The following PARD3B variants were observed in gnomAD, a reference collection of about 807,000 sequenced individuals.
PARD3B encodes the protein par-3 family cell polarity regulator beta, also known as partitioning defective 3 homolog B.
In PARD3B, 103 loss-of-function variants were observed where a neutral mutation model predicts 130.2. The ratio of observed to expected loss-of-function variants is 0.79; its 90% CI spans 0.67 to 0.93. PARD3B has a LOEUF of 0.93. PARD3B is among the 40% of genes least tolerant of loss of function. The pLI is 0.00. For synonymous variants in PARD3B, 583 were observed against 553.2 expected (o/e 1.05, Z -0.76); for missense variants, 1,609 against 1,499.2 (o/e 1.07, Z -1.21).
In PARD3B at chr2:204,606,639, A is replaced by G. The variant is rs2125111169; in HGVS notation, c.120+60520A>G. ...CTCAGAATAGGAGAATCAACCATTTATGAAGAAGCTCCAGTGGCTACCACA... is the reference window on the plus strand; with the variant it reads ...CTCAGAATAGGAGAATCAACCATTTGTGAAGAAGCTCCAGTGGCTACCACA... On this transcript the variant is annotated intron_variant, in intron 1 of 22. Coordinates refer to ENST00000406610, the MANE Select transcript of PARD3B (RefSeq NM_001302769.2). This position sits in a 1 kb window ranked among gnomAD's most constrained non-coding sequence, Gnocchi z 4.0. Among the ~76,000 whole-genome samples the G allele has an allele frequency of 6.6e-6, 1 of 152,256 alleles. No homozygotes were observed. Among genetic ancestry groups the G allele is most frequent in the South Asian group, 2.1e-4 (1 of 4,822 alleles).
At chr2:204,886,850 T>C (rs1463111751) in intron 2 of PARD3B, among the ~76,000 whole-genome samples, 1 of 152,188 alleles carries the variant, frequency 6.6e-6, no homozygotes, top group Non-Finnish European at 1.5e-5. Context: ...TTCTGAGGGA[T>C]TGTCAGACAG....
At chr2:204,976,146 A>T (rs1692126181) in intron 3 of PARD3B, among the ~76,000 whole-genome samples, 1 of 152,210 alleles carries the variant, frequency 6.6e-6, no homozygotes, top group Non-Finnish European at 1.5e-5. Context: ...AAAATATTGT[A>T]CTTTATATCT....
chr2:205,164,971 T>G lies in PARD3B; in HGVS notation c.1620+6064T>G, dbSNP rs112697042. Among the ~76,000 whole-genome samples the G allele has an allele frequency of 2.2e-3, 332 of 152,274 alleles. 7 individuals carry two copies. In the East Asian group the frequency reaches 0.031, roughly 14 times the overall value. The stretch of plus-strand genomic sequence containing the variant: ...TCTAGCATTCTGGTTGTACCCATTT[T>G]TATAGTGACTGGTTTTAAGCAATCT... On this transcript the variant is annotated intron_variant, in intron 11 of 22. Coordinates refer to ENST00000406610, the MANE Select transcript of PARD3B (RefSeq NM_001302769.2).
intron 22 of PARD3B, among the ~76,000 whole-genome samples, chr2:205,611,676 C>G (rs2055234730): frequency 6.6e-6 from 1 of 152,104 alleles, no homozygotes; most frequent in Non-Finnish European, 1.5e-5. Flanking sequence ...ATAAAATAAG[C>G]AATAATTTCA....
At chr2:205,515,110 A>G (rs182181107) in intron 21 of PARD3B, among the ~76,000 whole-genome samples, 1 of 151,970 alleles carries the variant, frequency 6.6e-6, no homozygotes, top group Non-Finnish European at 1.5e-5. Flanking sequence ...CTGTTCCTGC[A>G]TTAGTTTGTT....
chr2:205,219,826 C>T (rs967216229), intron 15 of PARD3B, among the ~76,000 whole-genome samples: 4 of 152,108 alleles, frequency 2.6e-5, no homozygotes, highest in African/African-American at 9.7e-5. Flanking sequence ...TTTCACCCAG[C>T]CAGGAAATCT....
In PARD3B at chr2:205,302,065, C is replaced by CTTTTCTTT. The variant is rs2042025526; in HGVS notation, c.2630+368_2630+369insCTTTTTTT. On this transcript the variant is annotated intron_variant, in intron 18 of 22. Coordinates refer to ENST00000406610, the MANE Select transcript of PARD3B (RefSeq NM_001302769.2). ...CTATTCTTTTTTTCTTTTTTCTTTTCTTTTTTTTTTTTTTTTTTTTTTTGA... is the reference window on the plus strand; with the variant it reads ...CTATTCTTTTTTTCTTTTTTCTTTTCTTTTCTTTTTTTTTTTTTTTTTTTTTTTTTTGA... Among the ~76,000 whole-genome samples, 10 of 77,778 alleles carry CTTTTCTTT rather than the reference C, an allele frequency of 1.3e-4. No individual in the cohort carries two copies. In the South Asian group the frequency reaches 6.1e-3, roughly 47 times the overall value. 51.0% of individuals were successfully genotyped at this position (77,778 alleles called of 152,430 possible).
chr2:205,157,872 T>C (rs977549583), intron 10 of PARD3B, among the ~76,000 whole-genome samples: 2 of 152,176 alleles, frequency 1.3e-5, no homozygotes, highest in African/African-American at 2.4e-5. Context: ...TTCCCACTGC[T>C]GTATATTTGA....
chr2:205,209,606 A>G (rs542427548), intron 15 of PARD3B, among the ~76,000 whole-genome samples: 7 of 151,268 alleles, frequency 4.6e-5, no homozygotes, highest in Non-Finnish European at 8.8e-5. Context: ...ATACAATTAA[A>G]TAATTAAAAA....
intron 8 of PARD3B, among the ~76,000 whole-genome samples, 186 bp from the exon 9 acceptor site, chr2:205,124,141 A>G (rs1452648251): frequency 1.3e-5 from 2 of 152,228 alleles, no homozygotes; most frequent in East Asian, 3.8e-4. Context: ...TGATACTGTC[A>G]TGGCCTGTCA....
intron 2 of PARD3B, among the ~76,000 whole-genome samples, chr2:204,806,619 G>A (rs988751719): frequency 4.6e-5 from 7 of 152,032 alleles, no homozygotes; most frequent in African/African-American, 1.7e-4. Flanking sequence ...CACAAGCACA[G>A]GCAACCAAAG....
intron 2 of PARD3B, among the ~76,000 whole-genome samples, chr2:204,765,142 A>G (rs914788704): frequency 2.0e-5 from 3 of 152,206 alleles, no homozygotes; most frequent in African/African-American, 7.2e-5. Context: ...ACTGCAGGAT[A>G]AAACAGAGGT....
chr2:204,683,856 A>C (rs113391477), intron 1 of PARD3B, among the ~76,000 whole-genome samples: 416 of 152,294 alleles, frequency 2.7e-3, no homozygotes, highest in African/African-American at 9.2e-3. Context: ...TGTTTCCAAA[A>C]TGTATCAAGA....
At chr2:204,903,147 C>T (rs1486332297) in intron 2 of PARD3B, among the ~76,000 whole-genome samples, 1 of 152,178 alleles carries the variant, frequency 6.6e-6, no homozygotes, top group Non-Finnish European at 1.5e-5. Context: ...TGGGTACTTA[C>T]ATTTTAAAAT....
At chr2:205,408,193 G>T (rs1230968337) in intron 19 of PARD3B, among the ~76,000 whole-genome samples, 1 of 152,176 alleles carries the variant, frequency 6.6e-6, no homozygotes, top group Admixed American at 6.5e-5. Context: ...CAGCTGAGCT[G>T]CTTGTGGCCT....
intron 20 of PARD3B, among the ~76,000 whole-genome samples, chr2:205,442,464 G>A (rs1463399079): frequency 2.0e-5 from 3 of 151,874 alleles, no homozygotes; most frequent in African/African-American, 7.3e-5. Context: ...AACCACGGCT[G>A]GCTAATTTTT....
chr2:205,084,812 T>A (rs1701641968), intron 4 of PARD3B, among the ~76,000 whole-genome samples: 2 of 152,128 alleles, frequency 1.3e-5, no homozygotes, highest in African/African-American at 4.8e-5. Flanking sequence ...CAGGTTGTTT[T>A]ATGTCATAGT....
At chr2:204,971,343 C>T (rs1317717403) in intron 3 of PARD3B, among the ~76,000 whole-genome samples, 1 of 152,130 alleles carries the variant, frequency 6.6e-6, no homozygotes, top group African/African-American at 2.4e-5. Flanking sequence ...AGAACTAAAG[C>T]TCAGGGATGG....
chr2:204,643,290 T>G (rs986429632), intron 1 of PARD3B, among the ~76,000 whole-genome samples: 3 of 151,846 alleles, frequency 2.0e-5, no homozygotes, highest in Admixed American at 2.0e-4. Flanking sequence ...TCAAACCTCT[T>G]TTTTCCATAA....
Sources: gnomAD v4.1 joint callset for allele counts (sites outside exome capture counted in the v4.1 genomes callset) on GRCh38, gnomAD v4.1.1 for gene constraint, Gnocchi (gnomAD v3.1) non-coding constraint, MANE v1.5 for transcripts, NCBI Gene and HGNC (gene_info 2026-07-23, HGNC 2026-07-21) for gene names.